PDE4D: variants seen among roughly 807,000 people sequenced by gnomAD.
PDE4D encodes the protein 3',5'-cyclic-AMP phosphodiesterase 4D.
A neutral mutation model predicts 87.4 loss-of-function variants in PDE4D; 24 were observed. That is an observed-to-expected ratio of 0.27 (90% CI 0.20 to 0.39). PDE4D has a LOEUF of 0.39. Among genes scored for constraint, PDE4D ranks in the 10% least tolerant of loss-of-function variants. The pLI, the probability that PDE4D is intolerant of heterozygous loss-of-function variation, is 1.00. For synonymous variants in PDE4D, 384 were observed against 383.2 expected (o/e 1.00, Z -0.02); for missense variants, 714 against 1,041.0 (o/e 0.69, Z 4.32).
chr5:60,347,275 C>T (rs900958578), intron 1 of PDE4D, among the ~76,000 whole-genome samples: 1 of 152,034 alleles, frequency 6.6e-6, no homozygotes, highest in Non-Finnish European at 1.5e-5. Flanking sequence ...GTTCAAAAAA[C>T]AGAGAGGGCC....
chr5:60,460,765 A>T, intron 1 of PDE4D: 1 of 612,836 alleles, frequency 1.6e-6, no homozygotes, highest in Non-Finnish European at 2.9e-6. Context: ...CAAGAACCAG[A>T]CCACAAGTCT....
chr5:60,036,812 C>T (rs1459576061), intron 2 of PDE4D, among the ~76,000 whole-genome samples: 8 of 152,170 alleles, frequency 5.3e-5, no homozygotes, highest in Non-Finnish European at 1.5e-5. Flanking sequence ...TAAACTCTGA[C>T]TTGGACACTT....
chr5:59,706,303 G>T (rs1753397453), intron 1 of PDE4D, among the ~76,000 whole-genome samples: 1 of 152,076 alleles, frequency 6.6e-6, no homozygotes. Context: ...AGGGTCGCTT[G>T]TCCCCAGGTG....
At chr5:60,421,161 G>C (rs944223544) in intron 1 of PDE4D, among the ~76,000 whole-genome samples, 1 of 152,220 alleles carries the variant, frequency 6.6e-6, no homozygotes, top group African/African-American at 2.4e-5. Context: ...ATCCCTGTCT[G>C]ACAGCTCTGA....
intron 1 of PDE4D, among the ~76,000 whole-genome samples, chr5:60,270,970 T>C (rs1163407234): frequency 6.6e-6 from 1 of 152,200 alleles, no homozygotes; most frequent in Non-Finnish European, 1.5e-5. Context: ...TCCAGAATAC[T>C]CAAGAGAATA....
chr5:60,000,407 C>T (rs1044286426), intron 2 of PDE4D, among the ~76,000 whole-genome samples: 1 of 152,052 alleles, frequency 6.6e-6, no homozygotes, highest in Non-Finnish European at 1.5e-5. Context: ...ACATTATAGG[C>T]CAGAAGGGAG....
chr5:59,378,822 G>T (rs553228758), intron 1 of PDE4D, among the ~76,000 whole-genome samples: 1 of 152,186 alleles, frequency 6.6e-6, no homozygotes, highest in East Asian at 1.9e-4. Context: ...GGAATTCTTT[G>T]CTCAGGAAAA....
chr5:59,345,831 A>G (rs1779524639), intron 1 of PDE4D, among the ~76,000 whole-genome samples: 1 of 152,192 alleles, frequency 6.6e-6, no homozygotes, highest in Admixed American at 6.5e-5. Context: ...TGACCCAGAA[A>G]TCCTACCTCT....
At chr5:59,214,008 T>C (rs1750667662) in intron 2 of PDE4D, among the ~76,000 whole-genome samples, 1 of 149,582 alleles carries the variant, frequency 6.7e-6, no homozygotes, top group African/African-American at 2.5e-5. Context: ...CTCCACTGGC[T>C]GTCCCCCAAC....
chr5:60,423,374 C>T (rs905742959), intron 1 of PDE4D, among the ~76,000 whole-genome samples: 2 of 152,156 alleles, frequency 1.3e-5, no homozygotes, highest in Non-Finnish European at 2.9e-5. Context: ...CAAATTAGAA[C>T]TCAGGATTAA....
intron 3 of PDE4D, among the ~76,000 whole-genome samples, chr5:59,984,259 T>G (rs1762197202): frequency 6.6e-6 from 1 of 152,154 alleles, no homozygotes; most frequent in Non-Finnish European, 1.5e-5. Context: ...AGAAAATTAT[T>G]TAGGAGGAAA....
At chr5:60,349,291 A>G (rs2149919732) in intron 1 of PDE4D, among the ~76,000 whole-genome samples, 1 of 152,246 alleles carries the variant, frequency 6.6e-6, no homozygotes, top group Non-Finnish European at 1.5e-5. Context: ...AATAAAACTA[A>G]TGTAATTTAT....
intron 5 of PDE4D, among the ~76,000 whole-genome samples, chr5:59,132,400 C>T (rs924114378): frequency 2.6e-5 from 4 of 151,956 alleles, no homozygotes; most frequent in African/African-American, 4.8e-5. Context: ...TAGTTATCAG[C>T]GTATGTCATG....
At chr5:60,150,677 A>C (rs1781429351) in intron 2 of PDE4D, among the ~76,000 whole-genome samples, 1 of 152,202 alleles carries the variant, frequency 6.6e-6, no homozygotes, top group African/African-American at 2.4e-5. Flanking sequence ...AAGTACAGAA[A>C]GTACTTTGCA....
intron 1 of PDE4D, among the ~76,000 whole-genome samples, chr5:59,352,529 A>G (rs958271856): frequency 3.3e-5 from 5 of 152,166 alleles, no homozygotes; most frequent in African/African-American, 1.2e-4. Context: ...TGGTTGGGCA[A>G]TCACTGATGT....
intron 5 of PDE4D, among the ~76,000 whole-genome samples, chr5:59,177,322 C>T (rs1169509627): frequency 6.6e-6 from 1 of 152,164 alleles, no homozygotes; most frequent in African/African-American, 2.4e-5. Flanking sequence ...TGTCTATAAG[C>T]CACCCAGTCT....
chr5:60,096,902 A>T (rs993282602), intron 2 of PDE4D, among the ~76,000 whole-genome samples: 4 of 151,938 alleles, frequency 2.6e-5, no homozygotes, highest in African/African-American at 7.2e-5. Context: ...TCTTACCAAC[A>T]CTCTTCTTTC....
chr5:59,209,367 G>C (rs1749568767), intron 2 of PDE4D, among the ~76,000 whole-genome samples: 3 of 151,926 alleles, frequency 2.0e-5, no homozygotes, highest in Admixed American at 2.0e-4. Context: ...TGTATTTTTT[G>C]TAGAGACAGG....
At chr5:59,657,004 G>A (rs1023970133) in intron 1 of PDE4D, among the ~76,000 whole-genome samples, 4 of 151,948 alleles carry the variant, frequency 2.6e-5, no homozygotes, top group Non-Finnish European at 5.9e-5. Context: ...TAAGGCCTAA[G>A]ATCAAATACA....
Sources: gnomAD v4.1 joint callset for allele counts (sites outside exome capture counted in the v4.1 genomes callset) on GRCh38, gnomAD v4.1.1 for gene constraint, MANE v1.5 for transcripts, NCBI Gene and HGNC (gene_info 2026-07-23, HGNC 2026-07-21) for gene names.